The following USP32 variants were observed in gnomAD, a reference collection of about 807,000 sequenced individuals.
USP32 encodes ubiquitin specific peptidase 32, also known as ubiquitin carboxyl-terminal hydrolase 32.
Under a neutral mutation model 204.8 loss-of-function variants are expected in USP32, and 59 were observed. That is an observed-to-expected ratio of 0.29 (90% CI 0.23 to 0.36). The LOEUF is 0.36. Ranked by LOEUF, USP32 falls within the 10% of genes least tolerant of loss-of-function variation. The pLI, the probability that USP32 is intolerant of heterozygous loss-of-function variation, is 1.00. For synonymous variants in USP32, 517 were observed against 678.4 expected (o/e 0.76, Z 3.70); for missense variants, 1,160 against 1,946.4 (o/e 0.60, Z 7.60).
intron 11 of USP32, among the ~76,000 whole-genome samples, chr17:60,240,493 GGAGA>G (rs60249054): frequency 6.8e-5 from 10 of 146,436 alleles, no homozygotes; most frequent in South Asian, 4.2e-4. Context: ...GAGAAAAAAG[GGAGA>G]GAGAGAGAGA....
In USP32 at chr17:60,332,386, G is replaced by C. The variant is rs1008492133; in HGVS notation, c.186+13095C>G. Among the ~76,000 whole-genome samples, 44 of 151,976 alleles carry C rather than the reference G, an allele frequency of 2.9e-4. 1 individual carries two copies. Among genetic ancestry groups the C allele is most frequent in the Admixed American group, 2.1e-3 (32 of 15,268 alleles). Reference sequence around the variant, plus strand: ...CTCTGGGCCGGACGCGGTGGCTCAAGCCTGTAATCCCAGCACTTTGGGAGG... The same window carrying C: ...CTCTGGGCCGGACGCGGTGGCTCAACCCTGTAATCCCAGCACTTTGGGAGG... On this transcript the variant is annotated intron_variant, in intron 2 of 33. Transcript: ENST00000300896.
intron 3 of USP32, 90 bp from the exon 4 acceptor site, chr17:60,294,891 C>A: frequency 2.7e-6 from 2 of 751,218 alleles, no homozygotes; most frequent in Admixed American, 2.3e-5. Flanking sequence ...GCTACAATAA[C>A]TGAGTGATTA....
In USP32 at chr17:60,198,367, A is replaced by G; in HGVS notation, c.3327T>C (p.Cys1109=). The G allele has an allele frequency of 6.2e-7, 1 of 1,614,218 alleles. No individual in the cohort carries two copies. The highest frequency in any genetic ancestry group is 8.5e-7 in the Non-Finnish European group (1 of 1,180,026). ...GGTCTTTCTTCCGGGTATGCACAGT[A>G]CATGGAACAATCAATGGCATTCCAA... ...SLFGMPLIVP[C]TVHTRKKDLY... Residue 1109 remains cysteine (C), a synonymous_variant, in exon 27 of 34, where the codon TGT becomes TGC. Transcript: ENST00000300896.
At chr17:60,384,770 C>G (rs1471579865) in intron 1 of USP32, among the ~76,000 whole-genome samples, 1 of 146,456 alleles carries the variant, frequency 6.8e-6, no homozygotes, top group Admixed American at 6.9e-5. Context: ...CCAGCCTAGG[C>G]AACAAGAGCA....
At chr17:60,339,549 C>T (rs1201489333) in intron 2 of USP32, among the ~76,000 whole-genome samples, 1 of 148,468 alleles carries the variant, frequency 6.7e-6, no homozygotes, top group African/African-American at 2.5e-5. Flanking sequence ...TGCTGTTGCA[C>T]TCCACCCTGG....
intron 11 of USP32, among the ~76,000 whole-genome samples, chr17:60,242,029 G>C (rs2085890944): frequency 6.6e-6 from 1 of 152,170 alleles, no homozygotes. Flanking sequence ...AATCCATTTT[G>C]AGTATACTTT....
At position 60,213,590 on chromosome 17, in the gene USP32, C is replaced by T; in HGVS notation, c.2095G>A (p.Val699Ile). The change falls in exon 18 of 34, where the codon GTA becomes ATA. Residue 699 changes from valine (V) to isoleucine (I), a missense_variant. Val to Ile is a conservative substitution (Grantham distance 29). Transcript: ENST00000300896. ...YLKIQDEQHL[V>I]IEVRNKDMSW... ...TGCTTCCATCTTGTACCTTCAATTA[C>T]CAGGTGTTGTTCATCCTGGATTTTC... 1 of 1,310,404 alleles carries T rather than the reference C, an allele frequency of 7.6e-7. No individual in the cohort carries two copies. The highest frequency in any genetic ancestry group is 2.6e-5 in the Admixed American group (1 of 38,348). The allele number at this position is 1,310,404 out of a possible 1,614,324, so 81.2% of individuals were successfully genotyped here.
chr17:60,237,175 C>T (rs890288931), intron 11 of USP32, among the ~76,000 whole-genome samples: 2 of 151,408 alleles, frequency 1.3e-5, no homozygotes, highest in Non-Finnish European at 2.9e-5. Context: ...CAGAATCTCA[C>T]TCTAGCCTAG....
At chr17:60,190,271 C>T (rs1157734522) in intron 29 of USP32, among the ~76,000 whole-genome samples, 1 of 152,168 alleles carries the variant, frequency 6.6e-6, no homozygotes, top group Non-Finnish European at 1.5e-5. Context: ...ACTTCCCAGG[C>T]TGCCGAACAG....
intron 25 of USP32, among the ~76,000 whole-genome samples, chr17:60,206,233 C>T (rs923568753): frequency 2.1e-5 from 3 of 145,514 alleles, no homozygotes; most frequent in African/African-American, 8.5e-5. Flanking sequence ...GGGAGGATTG[C>T]TTCAGCCCAT....
chr17:60,366,347 C>T (rs1369499681), intron 1 of USP32, among the ~76,000 whole-genome samples: 1 of 151,902 alleles, frequency 6.6e-6, no homozygotes, highest in Non-Finnish European at 1.5e-5. Context: ...TCAGTAGAGA[C>T]GGGGTTTCAC....
At chr17:60,284,483 G>T (rs2087058944) in intron 5 of USP32, among the ~76,000 whole-genome samples, 1 of 151,904 alleles carries the variant, frequency 6.6e-6, no homozygotes, top group Non-Finnish European at 1.5e-5. Context: ...GCCTCCCAAA[G>T]TGCTGGGATT....
At chr17:60,206,263 G>A (rs2084822645) in intron 25 of USP32, among the ~76,000 whole-genome samples, 1 of 145,344 alleles carries the variant, frequency 6.9e-6, no homozygotes, top group Admixed American at 6.7e-5. Context: ...TCTGCAGTGA[G>A]CCAAGATGAT....
intron 1 of USP32, among the ~76,000 whole-genome samples, chr17:60,414,607 T>G (rs1376830291): frequency 1.3e-5 from 2 of 151,616 alleles, no homozygotes; most frequent in Non-Finnish European, 2.9e-5. Flanking sequence ...TTTTGTATTT[T>G]TAGTAGAGAC....
chr17:60,247,774 C>T (rs537207404), intron 11 of USP32, among the ~76,000 whole-genome samples: 2 of 152,166 alleles, frequency 1.3e-5, no homozygotes, highest in South Asian at 4.2e-4. Flanking sequence ...ACCTCCACCT[C>T]CCCAGTTCAA....
At chr17:60,344,847 A>G (rs1034160636) in intron 2 of USP32, among the ~76,000 whole-genome samples, 1 of 152,156 alleles carries the variant, frequency 6.6e-6, no homozygotes, top group African/African-American at 2.4e-5. Flanking sequence ...TATTTTTTTT[A>G]GAGACAGTGT....
rs137876847 is a variant in USP32 at position 60,205,595 on chromosome 17, C to T, written c.3101G>A (p.Arg1034Gln). The change falls in exon 26 of 34, where the codon CGA becomes CAA. Residue 1034 changes from arginine (R) to glutamine (Q), a missense_variant. Transcript: ENST00000300896. ...FTLTTNGDLPRPIFIPNGMPN... is the reference protein window; with the variant it reads ...FTLTTNGDLPQPIFIPNGMPN... ...CATTCCATTGGGGATGAATATTGGTCGGGGTAGGTCCCCATTGGTAGTTAG... is the reference window on the plus strand; with the variant it reads ...CATTCCATTGGGGATGAATATTGGTTGGGGTAGGTCCCCATTGGTAGTTAG... 4 of 1,613,836 alleles carry T rather than the reference C, an allele frequency of 2.5e-6. No homozygotes were observed. Among genetic ancestry groups the T allele is most frequent in the Admixed American group, 1.7e-5 (1 of 60,006 alleles).
chr17:60,249,026 A>G (rs964963308), intron 11 of USP32: 1 of 152,174 alleles, frequency 6.6e-6, no homozygotes, highest in South Asian at 2.1e-4. Context: ...AGTATCTTGC[A>G]GTGTGAAGCT....
At chr17:60,372,765 GC>G (rs1425796913) in intron 1 of USP32, among the ~76,000 whole-genome samples, 4 of 149,688 alleles carry the variant, frequency 2.7e-5, no homozygotes, top group South Asian at 2.1e-4. Context: ...GATAACTTGA[GC>G]CCTTGAGCCC....
Sources: allele counts gnomAD v4.1 joint callset (sites outside exome capture counted in the v4.1 genomes callset), GRCh38; gene constraint gnomAD v4.1.1; transcripts MANE v1.5; gene names NCBI Gene and HGNC (gene_info 2026-07-23, HGNC 2026-07-21).